The following UGCG variants were observed in gnomAD, a reference collection of about 807,000 sequenced individuals.
The protein encoded by UGCG is UDP-glucose ceramide glucosyltransferase, also known as ceramide glucosyltransferase.
In UGCG, 10 loss-of-function variants were observed where a neutral mutation model predicts 49.5. The observed-to-expected ratio is 0.20, with a 90% CI of 0.12 to 0.34. The LOEUF is 0.34. Ranked by LOEUF, UGCG falls within the 10% of genes least tolerant of loss-of-function variation. UGCG has a pLI of 1.00. For missense variants in UGCG, 312 were observed against 483.7 expected, an observed-to-expected ratio of 0.65 and a Z score of 3.33; for synonymous variants, 182 against 158.2, an observed-to-expected ratio of 1.15 and a Z score of -1.13.
At chr9:111,922,764 C>G in intron 2 of UGCG, 85 bp from the exon 3 acceptor site, 76 of 872,660 alleles carry the variant, frequency 8.7e-5, no homozygotes, top group African/African-American at 3.5e-5. Flanking sequence ...CTTGTTTTTT[C>G]CTGTGCTTTT....
intron 1 of UGCG, among the ~76,000 whole-genome samples, chr9:111,909,453 C>G (rs1837954765): frequency 7.2e-5 from 11 of 152,156 alleles, no homozygotes; most frequent in Admixed American, 7.2e-4. Flanking sequence ...GGCATTGTTT[C>G]CACCTGTGGA....
At chr9:111,898,386 G>GT (rs1837705858) in intron 1 of UGCG, among the ~76,000 whole-genome samples, 1 of 150,026 alleles carries the variant, frequency 6.7e-6, no homozygotes, top group African/African-American at 2.5e-5. Flanking sequence ...GTTACTTTTA[G>GT]TTTTTTGGTT....
At chr9:111,923,116 G>A (rs1838256365) in intron 3 of UGCG, among the ~76,000 whole-genome samples, 165 bp downstream of exon 3, 1 of 151,792 alleles carries the variant, frequency 6.6e-6, no homozygotes, top group Non-Finnish European at 1.5e-5. Context: ...TAAAAACAAA[G>A]GTTTTTTTTT....
At position 111,924,791 on chromosome 9, in the gene UGCG, G is replaced by T; in HGVS notation, c.358G>T (p.Gly120Cys). The T allele has an allele frequency of 6.6e-7, 1 of 1,524,742 alleles. No individual in the cohort carries two copies. Among genetic ancestry groups the T allele is most frequent in the South Asian group, 1.4e-5 (1 of 71,500 alleles). The allele number at this position is 1,524,742 out of a possible 1,614,324, so 94.5% of individuals were successfully genotyped here. Residue 120 changes from glycine to cysteine, a missense_variant, in exon 4 of 9, where the codon GGC (glycine) becomes TGC (cysteine). Gly to Cys is a radical substitution (Grantham distance 159, BLOSUM62 -3). Transcript: ENST00000374279. The stretch of plus-strand genomic sequence containing the variant: ...TACATTTTTAGGTGGCAAAAAAGTT[G>T]GCATTAATCCTAAAATTAATAATTT... ...ARLFIGGKKV[G>C]INPKINNLMP...
At position 111,897,139 on chromosome 9, in the gene UGCG, C is replaced by T. The variant is rs1002630382; in HGVS notation, c.-77C>T. ...CTCCCGCGCCCCCGCACCGGGCGCC[C>T]ACCCTGTCCTCCTCCTGCGGGAGCG... On this transcript the variant is annotated 5_prime_UTR_variant, in exon 1 of 9. Coordinates refer to ENST00000374279, the MANE Select transcript of UGCG (RefSeq NM_003358.3). 4 of 1,355,978 alleles carry T rather than the reference C, an allele frequency of 2.9e-6. No homozygotes were observed. Among genetic ancestry groups the T allele is most frequent in the South Asian group, 1.3e-5 (1 of 75,428 alleles). The allele number at this position is 1,355,978 out of a possible 1,614,324, so 84.0% of individuals were successfully genotyped here.
At chr9:111,932,483 G>A (rs1838443801) in intron 8 of UGCG, 124 bp downstream of exon 8, 3 of 1,045,280 alleles carry the variant, frequency 2.9e-6, no homozygotes, top group Middle Eastern at 2.2e-4. Flanking sequence ...GTTAGTCTCG[G>A]GTTTGAACAT....
Position 111,933,146 on chromosome 9 carries a change from T to C in UGCG, c.*149T>C. On this transcript the variant is annotated 3_prime_UTR_variant, in exon 9 of 9. Coordinates refer to ENST00000374279, the MANE Select transcript of UGCG (RefSeq NM_003358.3). ...AATTTATTTTTGCATGGCACTTGCA[T>C]CTGTGAAAAAAAAAAAAAACACATC... The C allele has an allele frequency of 4.5e-6, 3 of 662,450 alleles. No individual in the cohort carries two copies. The highest frequency in any genetic ancestry group is 6.3e-6 in the Non-Finnish European group (3 of 476,696). 41.0% of individuals were successfully genotyped at this position (662,450 alleles called of 1,614,324 possible).
intron 1 of UGCG, among the ~76,000 whole-genome samples, chr9:111,899,461 C>G (rs1262434861): frequency 1.3e-5 from 2 of 152,170 alleles, no homozygotes; most frequent in African/African-American, 2.4e-5. Flanking sequence ...TACTCATAAT[C>G]CTTTGCCTGT....
intron 2 of UGCG, 141 bp downstream of exon 2, chr9:111,914,887 A>AGT (rs1838085340): frequency 2.5e-6 from 3 of 1,222,060 alleles, no homozygotes; most frequent in Non-Finnish European, 3.3e-6. Flanking sequence ...TATAACCTTT[A>AGT]GTAGTAGTCA....
chr9:111,899,340 C>G (rs1353344123), intron 1 of UGCG, among the ~76,000 whole-genome samples: 2 of 152,218 alleles, frequency 1.3e-5, no homozygotes, highest in African/African-American at 4.8e-5. Context: ...CTTACAAACA[C>G]TAAGTAGCAG....
At chr9:111,900,931 C>T (rs1280505862) in intron 1 of UGCG, among the ~76,000 whole-genome samples, 2 of 152,026 alleles carry the variant, frequency 1.3e-5, no homozygotes, top group Non-Finnish European at 2.9e-5. Flanking sequence ...ATCACGGCTT[C>T]ACATCCCAGG....
chr9:111,927,304 T>C (rs747077660), intron 5 of UGCG, among the ~76,000 whole-genome samples: 1 of 152,196 alleles, frequency 6.6e-6, no homozygotes, highest in Non-Finnish European at 1.5e-5. Flanking sequence ...GAGAAACTTA[T>C]GTTTTCATTT....
In UGCG at chr9:111,932,828, G is replaced by T; in HGVS notation, c.1016G>T (p.Gly339Val). The T allele has an allele frequency of 1.3e-6, 2 of 1,591,090 alleles. No homozygotes were observed. The highest frequency in any genetic ancestry group is 1.7e-6 in the Non-Finnish European group (2 of 1,167,776). ...FDYIQLRGVQ[G>V]GTLCFSKLDY... is the part of the protein sequence containing the mutation. ...AAAAATTTTTTTTTCCATTCCTAGG[G>T]TGGCACACTGTGTTTTTCAAAACTT... Residue 339 changes from glycine (G) to valine (V), a missense_variant and splice_region_variant, in exon 9 of 9, where the codon GGT becomes GTT. Gly to Val is a moderately radical substitution (Grantham distance 109). Transcript: ENST00000374279.
Position 111,933,018 on chromosome 9 carries a change from A to G in UGCG, c.*21A>G. On this transcript the variant is annotated 3_prime_UTR_variant, in exon 9 of 9. Transcript: ENST00000374279. ...TATAACTACAGCTTTGTGACTGTATATAAAGGAAAAAAGAGAAGTATTATA... is the reference window on the plus strand; with the variant it reads ...TATAACTACAGCTTTGTGACTGTATGTAAAGGAAAAAAGAGAAGTATTATA... 1 of 1,471,098 alleles carries G rather than the reference A, an allele frequency of 6.8e-7. No homozygotes were observed. The highest frequency in any genetic ancestry group is 1.6e-5 in the South Asian group (1 of 63,404). The allele number at this position is 1,471,098 out of a possible 1,614,324, so 91.1% of individuals were successfully genotyped here.
chr9:111,903,957 A>T (rs1316515031), intron 1 of UGCG, among the ~76,000 whole-genome samples: 1 of 151,970 alleles, frequency 6.6e-6, no homozygotes, highest in Non-Finnish European at 1.5e-5. Flanking sequence ...TCAAGGGCTT[A>T]AAAAAAAGAA....
intron 7 of UGCG, 128 bp from the exon 8 acceptor site, chr9:111,932,039 AAAC>A: frequency 9.6e-7 from 1 of 1,043,662 alleles, no homozygotes. Flanking sequence ...AAAAAAAACA[AAAC>A]AAAAAAAGTT....
intron 1 of UGCG, 132 bp downstream of exon 1, chr9:111,897,445 T>TC: frequency 8.9e-6 from 6 of 676,642 alleles, no homozygotes; most frequent in East Asian, 3.1e-5. Flanking sequence ...GTCAGGCTGT[T>TC]CCCCCCGTTC....
Position 111,914,588 on chromosome 9 carries a change from T to C in UGCG, c.99-17T>C. 1 of 1,611,246 alleles carries C rather than the reference T, an allele frequency of 6.2e-7. No homozygotes were observed. The highest frequency in any genetic ancestry group is 8.5e-7 in the Non-Finnish European group (1 of 1,178,916). On this transcript the variant is annotated splice_polypyrimidine_tract_variant and intron_variant, in intron 1 of 8. Transcript: ENST00000374279. ...ATGTATTCTATAGAAATAATTTTTA[T>C]ATCATTTGCTTTTTAGCCGATTACA...
At chr9:111,908,243 C>A (rs1343872275) in intron 1 of UGCG, among the ~76,000 whole-genome samples, 2 of 152,158 alleles carry the variant, frequency 1.3e-5, no homozygotes, top group Non-Finnish European at 2.9e-5. Context: ...GTAAAACTAT[C>A]CTGTAACAAG....
Sources: allele counts gnomAD v4.1 joint callset (sites outside exome capture counted in the v4.1 genomes callset), GRCh38; gene constraint gnomAD v4.1.1; transcripts MANE v1.5; gene names NCBI Gene and HGNC (gene_info 2026-07-23, HGNC 2026-07-21).